ATP10B: variants seen among roughly 807,000 people sequenced by gnomAD.
ATP10B encodes phospholipid-transporting ATPase VB.
In ATP10B, 122 loss-of-function variants were observed where a neutral mutation model predicts 141.2. The ratio of observed to expected loss-of-function variants is 0.86; its 90% CI spans 0.75 to 1.00. The LOEUF (loss-of-function observed/expected upper bound fraction) is 1.00. Ranked by LOEUF, ATP10B falls within the 50% of genes least tolerant of loss-of-function variation. The pLI, the probability that ATP10B is intolerant of heterozygous loss-of-function variation, is 0.00. For missense variants in ATP10B, 1,876 were observed against 1,825.3 expected (o/e 1.03, Z -0.51); for synonymous variants, 685 against 692.0 (o/e 0.99, Z 0.16).
At chr5:160,575,454 T>A (rs1004628813) in intron 24 of ATP10B, among the ~76,000 whole-genome samples, 12 of 152,190 alleles carry the variant, frequency 7.9e-5, no homozygotes, top group African/African-American at 2.9e-4. Flanking sequence ...AGAATAATGC[T>A]CATTTTGTAT....
chr5:160,591,016 T>C (rs534226859), intron 23 of ATP10B, 43 bp downstream of exon 23: 1 of 1,536,396 alleles, frequency 6.5e-7, no homozygotes, highest in South Asian at 1.1e-5. Context: ...GGACCAGTTC[T>C]TCTCTGCAAT....
At chr5:160,904,920 A>G in the ATP10B span, among the ~76,000 whole-genome samples, 7 of 152,238 alleles carry the variant, frequency 4.6e-5, no homozygotes, top group Non-Finnish European at 7.3e-5. Context: ...AGAATATTGA[A>G]ACAAACTCTA....
At chr5:160,616,085 G>A in intron 16 of ATP10B, 121 bp from the exon 17 acceptor site, 4 of 1,059,804 alleles carry the variant, frequency 3.8e-6, no homozygotes, top group South Asian at 2.4e-5. Context: ...AATTAGATGG[G>A]GCTTTCTTCT....
intron 22 of ATP10B, among the ~76,000 whole-genome samples, chr5:160,597,929 C>G (rs1251256890): frequency 1.3e-5 from 2 of 150,874 alleles, no homozygotes; most frequent in Non-Finnish European, 1.5e-5. Context: ...AATAGGAACA[C>G]TTTTACACTG....
At chr5:160,800,320 C>G (rs543595308) in intron 1 of ATP10B, among the ~76,000 whole-genome samples, 17 of 152,086 alleles carry the variant, frequency 1.1e-4, no homozygotes, top group Non-Finnish European at 2.5e-4. Flanking sequence ...AAATGTCAAT[C>G]TTATTAAAAT....
intron 13 of ATP10B, among the ~76,000 whole-genome samples, chr5:160,623,720 C>A (rs1319364945): frequency 6.6e-6 from 1 of 152,134 alleles, no homozygotes; most frequent in Non-Finnish European, 1.5e-5. Flanking sequence ...CTATTTTACC[C>A]CAGGGATCTG....
chr5:160,649,937 C>T (rs934880357), intron 7 of ATP10B, among the ~76,000 whole-genome samples: 11 of 151,428 alleles, frequency 7.3e-5, no homozygotes, highest in East Asian at 1.9e-4. Context: ...GGTGAAACCC[C>T]GTCTCTACTA....
At chr5:160,866,275 T>C in the ATP10B span, among the ~76,000 whole-genome samples, 10 of 152,130 alleles carry the variant, frequency 6.6e-5, no homozygotes, top group African/African-American at 2.4e-4. Flanking sequence ...TAGATGGAGC[T>C]GGAGGCCATT....
chr5:160,573,437 A>G (rs980099952), intron 24 of ATP10B, among the ~76,000 whole-genome samples: 9 of 152,260 alleles, frequency 5.9e-5, no homozygotes, highest in African/African-American at 2.2e-4. Flanking sequence ...GCTTGCTTTT[A>G]TACTTTAAAG....
the ATP10B span, among the ~76,000 whole-genome samples, chr5:160,885,352 CA>C: frequency 6.6e-6 from 1 of 152,248 alleles, no homozygotes; most frequent in Admixed American, 6.5e-5. Context: ...AAGGCTGAAC[CA>C]GCAGAAAACT....
chr5:160,752,179 T>C (rs1768201943), intron 2 of ATP10B, among the ~76,000 whole-genome samples: 1 of 151,068 alleles, frequency 6.6e-6, no homozygotes, highest in Admixed American at 6.6e-5. Flanking sequence ...CCTACTTTTT[T>C]TTTTTTTTTT....
intron 10 of ATP10B, among the ~76,000 whole-genome samples, chr5:160,636,598 A>C (rs1162498127): frequency 6.6e-6 from 1 of 152,340 alleles, no homozygotes; most frequent in South Asian, 2.1e-4. Context: ...CTTGTTAAAT[A>C]GGGGCTGGAA....
chr5:160,921,914 A>G, the ATP10B span, among the ~76,000 whole-genome samples: 1 of 152,208 alleles, frequency 6.6e-6, no homozygotes, highest in East Asian at 1.9e-4. Flanking sequence ...TCAGACCACA[A>G]AGCAGTTCCT....
intron 19 of ATP10B, 55 bp downstream of exon 19, chr5:160,606,710 C>G: frequency 6.4e-7 from 1 of 1,558,364 alleles, no homozygotes; most frequent in South Asian, 1.2e-5. Flanking sequence ...CTGGTCCAGC[C>G]TTTCATCAGA....
intron 24 of ATP10B, among the ~76,000 whole-genome samples, chr5:160,580,301 T>C (rs1755460917): frequency 6.6e-6 from 1 of 152,226 alleles, no homozygotes; most frequent in African/African-American, 2.4e-5. Context: ...GCTATGGGTT[T>C]GTCATAAATA....
At chr5:160,874,552 G>T in the ATP10B span, among the ~76,000 whole-genome samples, 1 of 152,148 alleles carries the variant, frequency 6.6e-6, no homozygotes, top group African/African-American at 2.4e-5. Context: ...TTGACGAGCT[G>T]AGAGAAGAAG....
intron 2 of ATP10B, among the ~76,000 whole-genome samples, chr5:160,749,277 T>A (rs1384826310): frequency 6.6e-6 from 1 of 152,196 alleles, no homozygotes; most frequent in African/African-American, 2.4e-5. Context: ...CTGTTACACA[T>A]AAGGAATTCT....
intron 6 of ATP10B, among the ~76,000 whole-genome samples, chr5:160,682,262 A>C (rs1763450008): frequency 6.6e-6 from 1 of 152,198 alleles, no homozygotes; most frequent in African/African-American, 2.4e-5. Context: ...CTATGGGTCC[A>C]TTGGAGGAGG....
At chr5:160,580,276 T>G (rs545305571) in intron 24 of ATP10B, among the ~76,000 whole-genome samples, 26 of 152,340 alleles carry the variant, frequency 1.7e-4, no homozygotes, top group Non-Finnish European at 2.9e-4. Flanking sequence ...CTTTTGCCCA[T>G]TCAGTATGAT....
Sources: gnomAD v4.1 joint callset for allele counts (sites outside exome capture counted in the v4.1 genomes callset) on GRCh38, gnomAD v4.1.1 for gene constraint, MANE v1.5 for transcripts, NCBI Gene and HGNC (gene_info 2026-07-23, HGNC 2026-07-21) for gene names.